Variants in GADL1 observed in about 807,000 individuals in gnomAD.
GADL1 encodes the protein acidic amino acid decarboxylase GADL1.
Under a neutral mutation model 69.5 loss-of-function variants are expected in GADL1, and 71 were observed. The observed-to-expected ratio is 1.02, with a 90% CI of 0.84 to 1.25. GADL1 has a LOEUF of 1.25. Among genes scored for constraint, GADL1 ranks in the 50% most tolerant of loss-of-function variants. The pLI is 0.00. For synonymous variants in GADL1, 254 were observed against 214.4 expected (o/e 1.18, Z -1.62); for missense variants, 737 against 631.8 (o/e 1.17, Z -1.79).
chr3:30,873,748 T>C (rs1023229577), intron 1 of GADL1, among the ~76,000 whole-genome samples: 9 of 152,060 alleles, frequency 5.9e-5, no homozygotes, highest in African/African-American at 1.9e-4. Flanking sequence ...ATTTGCATCA[T>C]CTGTTGATTT....
chr3:30,819,928 A>AT (rs1386071270), intron 11 of GADL1, among the ~76,000 whole-genome samples: 3 of 152,098 alleles, frequency 2.0e-5, no homozygotes, highest in Non-Finnish European at 2.9e-5. Flanking sequence ...ACACAGAATT[A>AT]TCTACCCCAA....
chr3:30,764,252 C>T (rs2125487533), intron 14 of GADL1, among the ~76,000 whole-genome samples: 1 of 152,120 alleles, frequency 6.6e-6, no homozygotes, highest in Non-Finnish European at 1.5e-5. Flanking sequence ...AGTCATTTTC[C>T]CTACTCAAAT....
rs114618286 is a variant in GADL1 at position 30,865,092 on chromosome 3, G to C, written c.38-3327C>G. 2.4e-3 allele frequency among the ~76,000 whole-genome samples: 367 copies of C among 151,790 alleles called. 1 individual carries two copies. The highest frequency in any genetic ancestry group is 8.5e-3 in the African/African-American group (352 of 41,428). On this transcript the variant is annotated intron_variant, in intron 1 of 14. Transcript: ENST00000282538. ...GGACCTCAAACCTCATCTTGTTACT[G>C]TCCTCCAAGCTCACACAGCTCTATC...
intron 14 of GADL1, among the ~76,000 whole-genome samples, chr3:30,764,272 G>GA (rs1240966814): frequency 6.6e-6 from 1 of 152,120 alleles, no homozygotes; most frequent in Non-Finnish European, 1.5e-5. Context: ...TTTGTAAGAA[G>GA]ATACACAGTA....
At chr3:30,738,322 T>C (rs763356984) in intron 14 of GADL1, among the ~76,000 whole-genome samples, 3 of 152,190 alleles carry the variant, frequency 2.0e-5, no homozygotes, top group Non-Finnish European at 2.9e-5. Context: ...TTGCAGTTAG[T>C]GTCTCATGGT....
At chr3:30,794,299 T>TTGC (rs375923185) in intron 12 of GADL1, among the ~76,000 whole-genome samples, 1 of 5,508 alleles carries the variant, frequency 1.8e-4, no homozygotes, top group Non-Finnish European at 3.2e-4. Context: ...CCTGAGCTGT[T>TTGC]TGTTGTTGAA....
chr3:30,781,488 G>T (rs769925432), intron 13 of GADL1, among the ~76,000 whole-genome samples: 6 of 152,154 alleles, frequency 3.9e-5, no homozygotes, highest in South Asian at 2.1e-4. Flanking sequence ...CCAGCACACA[G>T]ATTCAAACAA....
At chr3:30,890,331 G>C (rs1002061645) in intron 1 of GADL1, among the ~76,000 whole-genome samples, 8 of 152,122 alleles carry the variant, frequency 5.3e-5, no homozygotes, top group Non-Finnish European at 1.2e-4. Flanking sequence ...CTAGATGCTG[G>C]GGATGCAGTA....
chr3:30,768,827 T>C (rs1425653396), intron 14 of GADL1, among the ~76,000 whole-genome samples: 1 of 152,164 alleles, frequency 6.6e-6, no homozygotes, highest in African/African-American at 2.4e-5. Context: ...TGTAACTCTA[T>C]AACATTTTCA....
chr3:30,866,496 G>A (rs1032274578), intron 1 of GADL1, among the ~76,000 whole-genome samples: 9 of 151,988 alleles, frequency 5.9e-5, no homozygotes, highest in Non-Finnish European at 1.0e-4. Flanking sequence ...ATGCATAAAG[G>A]AAACTTGCAT....
rs1696680807 is a variant in GADL1, at chr3:30,782,224, T to TCC, written c.1303-3957_1303-3956insGG. 2.6e-5 allele frequency among the ~76,000 whole-genome samples: 4 copies of TCC among 152,052 alleles called. No homozygotes were observed. The South Asian group carries it at 8.3e-4, about 32-fold the overall frequency. On this transcript the variant is annotated intron_variant, in intron 13 of 14. Coordinates refer to ENST00000282538, the MANE Select transcript of GADL1 (RefSeq NM_207359.3). ...GGAGAGTTTCACTATAGGAAATAGA[T>TCC]CTCATCTTTGAAAAGCTGCTCTAGC... is the stretch of plus-strand genomic sequence containing the variant.
chr3:30,765,346 G>A (rs2125488272), intron 14 of GADL1, among the ~76,000 whole-genome samples: 1 of 152,212 alleles, frequency 6.6e-6, no homozygotes, highest in Non-Finnish European at 1.5e-5. Context: ...GTCATATTCT[G>A]TAAAACTACA....
In GADL1 at chr3:30,786,354, C is replaced by T; in HGVS notation, c.1302+1G>A. 3 of 1,552,590 alleles carry T rather than the reference C, an allele frequency of 1.9e-6. No homozygotes were observed. Among genetic ancestry groups the T allele is most frequent in the South Asian group, 2.2e-5 (2 of 89,590 alleles). ...ACAAGCACAATTATGCAATCACTTA[C>T]TTCCATCAGTAACTTGAATCCTTCT... On this transcript the variant is annotated splice_donor_variant, in intron 13 of 14. Coordinates refer to ENST00000282538, the MANE Select transcript of GADL1 (RefSeq NM_207359.3). LOFTEE classifies it high-confidence loss of function.
At chr3:30,826,244 A>G (rs183285198) in intron 11 of GADL1, among the ~76,000 whole-genome samples, 2 of 152,042 alleles carry the variant, frequency 1.3e-5, no homozygotes, top group East Asian at 3.9e-4. Flanking sequence ...ATATTTTTCA[A>G]CTGCTGGTCT....
intron 9 of GADL1, among the ~76,000 whole-genome samples, chr3:30,837,494 T>G (rs1172424428): frequency 1.3e-5 from 2 of 152,158 alleles, no homozygotes; most frequent in African/African-American, 4.8e-5. Flanking sequence ...AGACTCAACC[T>G]TTAATTTTTA....
chr3:30,799,019 A>G (rs1001252819), intron 12 of GADL1: 1 of 152,296 alleles, frequency 6.6e-6, no homozygotes, highest in Non-Finnish European at 1.5e-5. Flanking sequence ...TTTGCAGGGT[A>G]TAGCCCCCAT....
rs140174794 is a variant in GADL1, at chr3:30,846,572, C to T, written c.652-2106G>A. The stretch of plus-strand genomic sequence containing the variant: ...ACGGGGTATATAAATGTACACTGTG[C>T]CCTGGACTCCAGTGCTGACTAATTT... On this transcript the variant is annotated intron_variant, in intron 6 of 14. Coordinates refer to ENST00000282538, the MANE Select transcript of GADL1 (RefSeq NM_207359.3). 3.7e-4 allele frequency among the ~76,000 whole-genome samples: 56 copies of T among 151,498 alleles called. No homozygotes were observed. In the East Asian group the frequency reaches 9.9e-3, roughly 27 times the overall value.
intron 14 of GADL1, among the ~76,000 whole-genome samples, chr3:30,754,294 T>C (rs1215754119): frequency 1.3e-5 from 2 of 152,188 alleles, no homozygotes; most frequent in African/African-American, 4.8e-5. Context: ...GCAAGCCTTT[T>C]GTGGGGGAAC....
intron 11 of GADL1, among the ~76,000 whole-genome samples, chr3:30,811,455 T>C (rs1008596042): frequency 2.0e-5 from 3 of 152,162 alleles, no homozygotes; most frequent in Non-Finnish European, 4.4e-5. Context: ...TTAGGACAGA[T>C]GGAGATTTTT....
Sources: allele counts gnomAD v4.1 joint callset (sites outside exome capture counted in the v4.1 genomes callset), GRCh38; gene constraint gnomAD v4.1.1; transcripts MANE v1.5; gene names NCBI Gene and HGNC (gene_info 2026-07-23, HGNC 2026-07-21).